The following DMXL1 variants were observed in gnomAD, a reference collection of about 807,000 sequenced individuals.
DMXL1 encodes Dmx like 1.
DMXL1 carries 99 observed loss-of-function variants against 319.2 expected under a neutral mutation model. The observed-to-expected ratio is 0.31, with a 90% CI of 0.26 to 0.37. The LOEUF is 0.37. Among genes scored for constraint, DMXL1 ranks in the 10% least tolerant of loss-of-function variants. DMXL1 has a pLI of 1.00. For synonymous variants in DMXL1, 1,385 were observed against 1,235.2 expected, an observed-to-expected ratio of 1.12 and a Z score of -2.54; for missense variants, 3,745 against 3,595.6, an observed-to-expected ratio of 1.04 and a Z score of -1.06.
intron 32 of DMXL1, among the ~76,000 whole-genome samples, chr5:119,201,559 G>C (rs991562749): frequency 8.0e-5 from 12 of 150,680 alleles, no homozygotes; most frequent in African/African-American, 2.5e-4. Flanking sequence ...GCCAGGTTTT[G>C]GTATCAGGAT....
chr5:119,173,776 G>GTGTGTGTGTATATA, intron 25 of DMXL1, among the ~76,000 whole-genome samples: 1 of 67,172 alleles, frequency 1.5e-5, no homozygotes, highest in South Asian at 5.4e-4. Flanking sequence ...ATGTGTGTGT[G>GTGTGTGTGTATATA]TATATATATA....
chr5:119,181,074 A>G (rs988129086), intron 28 of DMXL1, among the ~76,000 whole-genome samples: 1 of 152,118 alleles, frequency 6.6e-6, no homozygotes, highest in Non-Finnish European at 1.5e-5. Flanking sequence ...TGCAAAAGCA[A>G]TGGCAAAACT....
intron 10 of DMXL1, among the ~76,000 whole-genome samples, chr5:119,129,946 G>T: frequency 6.6e-6 from 1 of 152,182 alleles, no homozygotes; most frequent in Non-Finnish European, 1.5e-5. Flanking sequence ...CTGTCATTCA[G>T]CTGGCAAGAA....
chr5:119,239,404 A>G (rs775341607), intron 41 of DMXL1, among the ~76,000 whole-genome samples: 8 of 152,138 alleles, frequency 5.3e-5, no homozygotes, highest in African/African-American at 7.2e-5. Flanking sequence ...CAGGATTGTA[A>G]GACTATAGAT....
At chr5:119,084,529 T>A (rs1284485826) in intron 1 of DMXL1, among the ~76,000 whole-genome samples, 4 of 152,198 alleles carry the variant, frequency 2.6e-5, no homozygotes, top group Non-Finnish European at 5.9e-5. Context: ...AAGAATGTAA[T>A]CTGTATCAGA....
intron 1 of DMXL1, among the ~76,000 whole-genome samples, chr5:119,088,785 T>A (rs896525442): frequency 6.6e-6 from 1 of 152,296 alleles, no homozygotes; most frequent in South Asian, 2.1e-4. Flanking sequence ...TATACTCACA[T>A]TTTTGGCTTT....
intron 30 of DMXL1, among the ~76,000 whole-genome samples, chr5:119,195,313 T>C (rs1253826808): frequency 6.6e-6 from 1 of 152,182 alleles, no homozygotes; most frequent in Non-Finnish European, 1.5e-5. Context: ...CTTAGCAGCA[T>C]TATTTACAGT....
chr5:119,092,315 T>C lies in DMXL1; in HGVS notation c.88-5664T>C, dbSNP rs117066210. ...TTTTCTTTTTTTTTCACATAGGGTC[T>C]TGCTGTGTTGCCCAGGCTGATCTCA... On this transcript the variant is annotated intron_variant, in intron 1 of 43. Transcript: ENST00000539542. 5.2e-4 allele frequency among the ~76,000 whole-genome samples: 79 copies of C among 152,204 alleles called. 3 individuals are homozygous for C. The East Asian group carries it at 0.012, about 24-fold the overall frequency.
At chr5:119,187,088 A>AT (rs954120020) in intron 28 of DMXL1, among the ~76,000 whole-genome samples, 44 of 151,394 alleles carry the variant, frequency 2.9e-4, no homozygotes, top group African/African-American at 8.9e-4. Context: ...AAAAAAAAAA[A>AT]GTGCTTCCTG....
At chr5:119,151,901 A>G (rs1407226538) in intron 18 of DMXL1, 28 bp from the exon 19 acceptor site, 4 of 1,505,570 alleles carry the variant, frequency 2.7e-6, no homozygotes, top group South Asian at 1.1e-5. Context: ...TTTTTTTAAT[A>G]CATTGCTTCC....
chr5:119,184,515 A>G (rs931110755), intron 28 of DMXL1, among the ~76,000 whole-genome samples: 8 of 152,300 alleles, frequency 5.3e-5, no homozygotes, highest in African/African-American at 1.7e-4. Flanking sequence ...CTAAAAACAC[A>G]TGATATAAAA....
rs1178537884 is a variant in DMXL1, at chr5:119,150,352, T to C, written c.4525T>C (p.Leu1509=). 3.7e-6 allele frequency: 6 copies of C among 1,613,700 alleles called. 1 individual carries two copies. The highest frequency in any genetic ancestry group is 1.6e-4 in the Middle Eastern group (1 of 6,080). Residue 1509 remains leucine (L), a synonymous_variant, in exon 18 of 44, where the codon TTG becomes CTG. Transcript: ENST00000539542. The part of the protein sequence containing the change: ...PGLSRMEQMS[L]MALADTIATT... ...ACTCAGCCGGATGGAGCAGATGTCT[T>C]TGATGGCCTTAGCAGATACAATTGC... is the stretch of plus-strand genomic sequence containing the variant.
At chr5:119,213,196 G>C (rs527374453) in intron 34 of DMXL1, among the ~76,000 whole-genome samples, 1 of 152,072 alleles carries the variant, frequency 6.6e-6, no homozygotes, top group African/African-American at 2.4e-5. Context: ...TCCAGTATTT[G>C]TTTCCTACTC....
In DMXL1 at chr5:119,151,944, A is replaced by T. The variant is rs1175458513; in HGVS notation, c.4610A>T (p.Asp1537Val). Reference protein sequence around the residue: ...RDRSQGGETLDECGLKFLLAV... With the variant: ...RDRSQGGETLVECGLKFLLAV... ...CCCATTGCAGGTGGAGAAACTCTTGATGAATGTGGGTTAAAATTTCTTTTG... is the reference window on the plus strand; with the variant it reads ...CCCATTGCAGGTGGAGAAACTCTTGTTGAATGTGGGTTAAAATTTCTTTTG... The change falls in exon 19 of 44, where the codon GAT (aspartate) becomes GTT (valine). Residue 1537 changes from aspartate (D) to valine (V), a missense_variant. This residue lies in a region of DMXL1 where 2,096 missense variants were observed against 1,985.4 expected (regional missense o/e 1.06). Transcript: ENST00000539542. 6.2e-7 allele frequency: 1 copy of T among 1,612,084 alleles called. No homozygotes were observed. The highest frequency in any genetic ancestry group is 1.3e-5 in the African/African-American group (1 of 74,720).
At chr5:119,166,507 T>C (rs895497601) in intron 21 of DMXL1, 109 bp from the exon 22 acceptor site, 3 of 856,878 alleles carry the variant, frequency 3.5e-6, no homozygotes, top group Non-Finnish European at 5.5e-6. Context: ...AGTTATGAAC[T>C]GGCAGATGTT....
In DMXL1 at chr5:119,133,349, G is replaced by C. The variant is rs1218405554; in HGVS notation, c.1533G>C (p.Leu511=). 4 of 1,613,512 alleles carry C rather than the reference G, an allele frequency of 2.5e-6. No homozygotes were observed. The highest frequency in any genetic ancestry group is 2.7e-5 in the African/African-American group (2 of 75,036). The change falls in exon 11 of 44, where the codon CTG becomes CTC. Residue 511 remains leucine, a synonymous_variant. Coordinates refer to ENST00000539542, the MANE Select transcript of DMXL1 (RefSeq NM_001290321.3). ...GSLLVWHVDW[L]DEYQPGMFRQ... Reference sequence around the variant, plus strand: ...TGCTAGTTTGGCATGTGGATTGGCTGGATGAATACCAGCCTGGTATGTTTC... The same window carrying C: ...TGCTAGTTTGGCATGTGGATTGGCTCGATGAATACCAGCCTGGTATGTTTC...
intron 1 of DMXL1, among the ~76,000 whole-genome samples, chr5:119,095,087 C>T (rs1385359841): frequency 6.6e-6 from 1 of 152,026 alleles, no homozygotes; most frequent in Non-Finnish European, 1.5e-5. Flanking sequence ...ACTCCTGGAC[C>T]CAAGCGACTC....
intron 14 of DMXL1, 26 bp downstream of exon 14, chr5:119,143,956 T>G (rs1767973118): frequency 7.0e-7 from 1 of 1,421,462 alleles, no homozygotes; most frequent in South Asian, 1.3e-5. Flanking sequence ...GGGGGGGAGG[T>G]ATATTAAAAA....
chr5:119,087,082 G>T (rs74966292), intron 1 of DMXL1, among the ~76,000 whole-genome samples: 4,937 of 151,154 alleles, frequency 0.033, 251 homozygotes, highest in African/African-American at 0.11. Flanking sequence ...TCTCTTTTTT[G>T]CTTAGTCAAG....
Sources: allele counts gnomAD v4.1 joint callset (sites outside exome capture counted in the v4.1 genomes callset), GRCh38; gene constraint gnomAD v4.1.1; regional missense constraint gnomAD v4.1.1; transcripts MANE v1.5; gene names NCBI Gene and HGNC (gene_info 2026-07-23, HGNC 2026-07-21).